USP39: variants seen among roughly 807,000 people sequenced by gnomAD.
The protein encoded by USP39 is ubiquitin carboxyl-terminal hydrolase 39.
Under a neutral mutation model 66.4 loss-of-function variants are expected in USP39, and 38 were observed. The observed-to-expected ratio is 0.57, with a 90% CI of 0.44 to 0.75. USP39 has a LOEUF of 0.75. USP39 is among the 30% of genes least tolerant of loss of function. USP39 has a pLI of 0.00. For missense variants in USP39, 608 were observed against 714.4 expected (o/e 0.85, Z 1.70); for synonymous variants, 303 against 274.6 (o/e 1.10, Z -1.02).
chr2:85,617,411 C>G (rs550546275), intron 1 of USP39, among the ~76,000 whole-genome samples: 10 of 152,200 alleles, frequency 6.6e-5, no homozygotes, highest in Admixed American at 6.5e-5. Flanking sequence ...TGAGTTTGTG[C>G]ACGTACTGCG....
chr2:85,628,516 T>A (rs925319722), intron 5 of USP39, among the ~76,000 whole-genome samples: 2 of 152,168 alleles, frequency 1.3e-5, no homozygotes, highest in African/African-American at 4.8e-5. Flanking sequence ...GGCTTTCTGA[T>A]GAATTTTAGA....
upstream of USP39, chr2:85,608,893 G>T: frequency 6.2e-7 from 1 of 1,603,164 alleles, no homozygotes; most frequent in Non-Finnish European, 8.5e-7. Context: ...TCCCTGGGCA[G>T]AATTCTTCCG....
intron 1 of USP39, chr2:85,603,141 G>C (rs765579907): frequency 2.6e-5 from 4 of 152,264 alleles, no homozygotes; most frequent in Non-Finnish European, 4.4e-5. Flanking sequence ...GGCCAGGGCT[G>C]CGGTGGGTCC....
chr2:85,617,715 G>A (rs1055766662), intron 1 of USP39, among the ~76,000 whole-genome samples: 1 of 152,186 alleles, frequency 6.6e-6, no homozygotes, highest in Non-Finnish European at 1.5e-5. Context: ...AGCTCACTGT[G>A]TGCATGGGTT....
chr2:85,617,453 C>G (rs1674079386), intron 1 of USP39, among the ~76,000 whole-genome samples: 1 of 152,158 alleles, frequency 6.6e-6, no homozygotes, highest in Non-Finnish European at 1.5e-5. Context: ...CTCCTGGACT[C>G]TCGTTAAGGA....
At chr2:85,611,359 G>C, upstream of USP39, 1 of 1,445,088 alleles carries the variant, frequency 6.9e-7, no homozygotes. Context: ...TCATCGCTGT[G>C]CCAGACTTTC....
chr2:85,641,921 AAAAAAAAAG>A (rs1163364364), intron 10 of USP39, among the ~76,000 whole-genome samples: 5 of 149,802 alleles, frequency 3.3e-5, no homozygotes, highest in Admixed American at 6.7e-5. Flanking sequence ...AAAAAAAAAA[AAAAAAAAAG>A]AAAGAAAGAA....
intron 6 of USP39, among the ~76,000 whole-genome samples, chr2:85,633,924 G>A (rs1056467450): frequency 4.0e-5 from 5 of 126,026 alleles, no homozygotes; most frequent in Non-Finnish European, 8.0e-5. Context: ...TGCAAGCTCC[G>A]CCTCCCGGGT....
Position 85,616,315 on chromosome 2 carries a change from G to A in USP39, c.120G>A (p.Ala40=). Residue 40 remains alanine (A), a synonymous_variant, in exon 1 of 13, where the codon GCG becomes GCA. Coordinates refer to ENST00000323701, the MANE Select transcript of USP39 (RefSeq NM_006590.4). ...GAGATCGGGAGCGGGAGCCTGAGGC[G>A]GCGAGCTCCCGGGGCAGCCCTGTGC... ...RERDREREPE[A]ASSRGSPVRV... is the part of the protein sequence containing the mutation. 5 of 1,583,208 alleles carry A rather than the reference G, an allele frequency of 3.2e-6. No homozygotes were observed. Among genetic ancestry groups the A allele is most frequent in the Non-Finnish European group, 4.3e-6 (5 of 1,163,322 alleles).
intron 2 of USP39, among the ~76,000 whole-genome samples, chr2:85,620,604 GC>G (rs1674387822): frequency 6.6e-6 from 1 of 152,188 alleles, no homozygotes; most frequent in African/African-American, 2.4e-5. Flanking sequence ...ATTACAGTCA[GC>G]CTCAGTATCA....
chr2:85,609,917 G>A (rs1026567985), upstream of USP39, among the ~76,000 whole-genome samples: 7 of 152,018 alleles, frequency 4.6e-5, no homozygotes, highest in African/African-American at 1.5e-4. Flanking sequence ...CTGACCTCAG[G>A]TGATCCACCC....
chr2:85,626,223 G>A (rs947857337), intron 5 of USP39, among the ~76,000 whole-genome samples: 1 of 152,050 alleles, frequency 6.6e-6, no homozygotes, highest in Non-Finnish European at 1.5e-5. Context: ...GCCGGGCTTG[G>A]TGGTGCATGC....
chr2:85,640,512 C>G (rs1028724047), intron 9 of USP39, among the ~76,000 whole-genome samples: 3 of 151,918 alleles, frequency 2.0e-5, no homozygotes, highest in Admixed American at 1.3e-4. Context: ...TGGTCTCGAT[C>G]TCCTGGCCTC....
upstream of USP39, chr2:85,607,836 T>G (rs1212687803): frequency 6.6e-6 from 1 of 152,066 alleles, no homozygotes. Flanking sequence ...CTTGTGGAAT[T>G]CAGACGTAAG....
upstream of USP39, chr2:85,607,841 C>G (rs966410216): frequency 2.0e-5 from 3 of 152,058 alleles, no homozygotes; most frequent in African/African-American, 7.2e-5. Context: ...GGAATTCAGA[C>G]GTAAGCCTAA....
At chr2:85,643,838 A>G (rs1440452268) in intron 10 of USP39, among the ~76,000 whole-genome samples, 1 of 151,908 alleles carries the variant, frequency 6.6e-6, no homozygotes, top group Non-Finnish European at 1.5e-5. Context: ...ACTTTAGTAA[A>G]GGCAGGGTTT....
chr2:85,636,043 T>G lies in USP39; in HGVS notation c.950-10T>G. 6.2e-7 allele frequency: 1 copy of G among 1,614,104 alleles called. No homozygotes were observed. Among genetic ancestry groups the G allele is most frequent in the Admixed American group, 1.7e-5 (1 of 60,000 alleles). On this transcript the variant is annotated splice_polypyrimidine_tract_variant and intron_variant, in intron 6 of 12. Transcript: ENST00000323701. ...AGCTTCAACGTTTTCCACCCTTCCT[T>G]TTTTTCCAGGAGATGGCGTTGACTT... is the stretch of plus-strand genomic sequence containing the variant.
chr2:85,609,906 C>G (rs1673398064), upstream of USP39, among the ~76,000 whole-genome samples: 2 of 152,002 alleles, frequency 1.3e-5, no homozygotes, highest in African/African-American at 4.8e-5. Flanking sequence ...GTCTCAAACT[C>G]CTGACCTCAG....
chr2:85,619,726 C>T (rs1254192355), intron 2 of USP39, among the ~76,000 whole-genome samples: 3 of 151,948 alleles, frequency 2.0e-5, no homozygotes, highest in Non-Finnish European at 4.4e-5. Flanking sequence ...GAATGTTTTA[C>T]AATAATATAA....
Sources: gnomAD v4.1 joint callset for allele counts (sites outside exome capture counted in the v4.1 genomes callset) on GRCh38, gnomAD v4.1.1 for gene constraint, MANE v1.5 for transcripts, NCBI Gene and HGNC (gene_info 2026-07-23, HGNC 2026-07-21) for gene names.